The following CLASP1 variants were observed in gnomAD, a reference collection of about 807,000 sequenced individuals.
CLASP1 encodes CLIP-associating protein 1.
A neutral mutation model predicts 192.3 loss-of-function variants in CLASP1; 38 were observed. The observed-to-expected ratio is 0.20, with a 90% CI of 0.15 to 0.26. The LOEUF is 0.26. CLASP1 is among the 10% of genes least tolerant of loss of function. CLASP1 has a pLI of 1.00. For missense variants in CLASP1, 1,433 were observed against 1,932.5 expected (o/e 0.74, Z 4.85); for synonymous variants, 691 against 712.8 (o/e 0.97, Z 0.49).
chr2:121,540,744 G>A (rs1412524285), intron 2 of CLASP1, among the ~76,000 whole-genome samples: 1 of 150,572 alleles, frequency 6.6e-6, no homozygotes, highest in Non-Finnish European at 1.5e-5. Context: ...CCTAGATCGC[G>A]CCACTGCACT....
At chr2:121,501,998 T>C (rs1414632213) in intron 8 of CLASP1, among the ~76,000 whole-genome samples, 2 of 152,202 alleles carry the variant, frequency 1.3e-5, no homozygotes, top group African/African-American at 2.4e-5. Flanking sequence ...TATCCAGAGT[T>C]AGAAAAAGTT....
intron 16 of CLASP1, 113 bp downstream of exon 16, chr2:121,450,800 G>A: frequency 1.4e-6 from 1 of 716,252 alleles, no homozygotes; most frequent in East Asian, 2.7e-5. Context: ...ATGTTTAAAA[G>A]TCATGGTTAA....
intron 20 of CLASP1, among the ~76,000 whole-genome samples, 170 bp downstream of exon 20, chr2:121,429,903 T>C (rs1251004703): frequency 6.6e-6 from 1 of 152,228 alleles, no homozygotes; most frequent in Non-Finnish European, 1.5e-5. Context: ...CCTGAAATGT[T>C]TCATTTTTTA....
chr2:121,528,917 T>G, intron 3 of CLASP1, 137 bp from the exon 4 acceptor site: 1 of 700,818 alleles, frequency 1.4e-6, no homozygotes, highest in Non-Finnish European at 2.5e-6. Context: ...CACTCATCTT[T>G]GCTCACAGCT....
In CLASP1 at chr2:121,382,335, C is replaced by T. The variant is rs764922930; in HGVS notation, c.3375-11G>A. The T allele has an allele frequency of 6.0e-6, 9 of 1,506,354 alleles. No homozygotes were observed. In the Admixed American group the frequency reaches 9.2e-5, roughly 15 times the overall value. The allele number at this position is 1,506,354 out of a possible 1,614,324, so 93.3% of individuals were successfully genotyped here. On this transcript the variant is annotated splice_polypyrimidine_tract_variant and intron_variant, in intron 32 of 39. Coordinates refer to ENST00000263710, the Ensembl canonical transcript of CLASP1. ...CAACCCCATAACCGACTGCAGTGAT[C>T]AGAAGAGGAAAATCAGAGAGAGAAA...
At chr2:121,550,234 G>C (rs544954683) in intron 2 of CLASP1, among the ~76,000 whole-genome samples, 1 of 151,940 alleles carries the variant, frequency 6.6e-6, no homozygotes, top group Non-Finnish European at 1.5e-5. Flanking sequence ...AGAATCTCTG[G>C]GACACAGCTA....
chr2:121,417,814 TC>T (rs2078851441), intron 23 of CLASP1, among the ~76,000 whole-genome samples: 1 of 152,230 alleles, frequency 6.6e-6, no homozygotes, highest in African/African-American at 2.4e-5. Context: ...TGATTTAACA[TC>T]CCTCTTTCGT....
chr2:121,492,743 G>A (rs1458388766), intron 8 of CLASP1, among the ~76,000 whole-genome samples: 2 of 151,346 alleles, frequency 1.3e-5, no homozygotes, highest in South Asian at 2.1e-4. Flanking sequence ...AATATAAAAT[G>A]GTGCAGCCAC....
intron 8 of CLASP1, among the ~76,000 whole-genome samples, chr2:121,484,986 A>G (rs1228149837): frequency 6.6e-6 from 1 of 152,246 alleles, no homozygotes; most frequent in Admixed American, 6.5e-5. Context: ...TGACATTTGT[A>G]AAGACAAATC....
intron 8 of CLASP1, among the ~76,000 whole-genome samples, chr2:121,486,082 G>A (rs768634708): frequency 5.3e-5 from 8 of 152,152 alleles, no homozygotes; most frequent in Non-Finnish European, 8.8e-5. Context: ...GGCAAGAAAC[G>A]GGCAAGGTAG....
exon 2 of CLASP1, chr2:121,605,922 A>G: frequency 6.2e-7 from 1 of 1,608,802 alleles, no homozygotes; most frequent in Non-Finnish European, 8.5e-7. Context: ...AGATCCAGCA[A>G]AAGCTAGAGG....
intron 2 of CLASP1, among the ~76,000 whole-genome samples, chr2:121,556,043 G>A (rs900526940): frequency 4.4e-4 from 55 of 124,790 alleles, no homozygotes; most frequent in African/African-American, 1.7e-3. Flanking sequence ...GAATGCAGTG[G>A]CATGATCTCA....
intron 18 of CLASP1, 38 bp from the exon 19 acceptor site, chr2:121,447,545 A>G (rs976052613): frequency 6.1e-6 from 9 of 1,480,610 alleles, no homozygotes; most frequent in Non-Finnish European, 7.3e-6. Flanking sequence ...TAAGGACTAC[A>G]TAGAATTTTG....
Position 121,367,783 on chromosome 2 carries a change from C to T in CLASP1, c.3691G>A (p.Gly1231Ser), listed in dbSNP as rs756909067. The T allele has an allele frequency of 4.3e-6, 7 of 1,613,818 alleles. No individual in the cohort carries two copies. The East Asian group carries it at 8.9e-5, about 21-fold the overall frequency. The change falls in exon 35 of 40, where the codon GGT becomes AGT. Residue 1231 changes from glycine (G) to serine (S), a missense_variant. Gly to Ser is a moderately conservative substitution (Grantham distance 56). Transcript: ENST00000263710. Reference sequence around the variant, plus strand: ...GTCCGGCCTCCTTCTACTTCACTACCCCCCCGGCCCTCAGTGGCAGGGGAG... The same window carrying T: ...GTCCGGCCTCCTTCTACTTCACTACTCCCCCGGCCCTCAGTGGCAGGGGAG...
chr2:121,575,196 C>CAAT (rs2060390306), intron 2 of CLASP1, among the ~76,000 whole-genome samples: 1 of 152,040 alleles, frequency 6.6e-6, no homozygotes, highest in Non-Finnish European at 1.5e-5. Flanking sequence ...ACTGCAACCT[C>CAAT]CGCCTCCCAG....
At chr2:121,458,811 A>T in intron 13 of CLASP1, 29 bp downstream of exon 13, 1 of 1,503,736 alleles carries the variant, frequency 6.7e-7, no homozygotes, top group South Asian at 1.4e-5. Context: ...CCACTTGCTT[A>T]TTTCAAGCAT....
chr2:121,516,929 G>T (rs570259360), intron 6 of CLASP1, among the ~76,000 whole-genome samples: 7 of 152,334 alleles, frequency 4.6e-5, no homozygotes, highest in Middle Eastern at 3.4e-3. Context: ...TACTCAGGAG[G>T]CTGAGGCAGG....
Position 121,530,335 on chromosome 2 carries a change from G to C in CLASP1, c.196-10C>G. 6.5e-7 allele frequency: 1 copy of C among 1,547,164 alleles called. No individual in the cohort carries two copies. The highest frequency in any genetic ancestry group is 8.7e-7 in the Non-Finnish European group (1 of 1,144,456). ...TGCCCAGCAGAACCACCTGCAGCGGGAAACACCGGGAGCCTGTTAGCAGCC... is the reference window on the plus strand; with the variant it reads ...TGCCCAGCAGAACCACCTGCAGCGGCAAACACCGGGAGCCTGTTAGCAGCC... On this transcript the variant is annotated splice_polypyrimidine_tract_variant and intron_variant, in intron 2 of 39. Coordinates refer to ENST00000263710, the Ensembl canonical transcript of CLASP1.
chr2:121,435,566 G>C (rs1438792859), intron 19 of CLASP1, among the ~76,000 whole-genome samples: 1 of 152,118 alleles, frequency 6.6e-6, no homozygotes, highest in Non-Finnish European at 1.5e-5. Context: ...GAGCCACCAT[G>C]CCCGCCCTAT....
Sources: allele counts gnomAD v4.1 joint callset (sites outside exome capture counted in the v4.1 genomes callset), GRCh38; gene constraint gnomAD v4.1.1; transcripts MANE v1.5; gene names NCBI Gene and HGNC (gene_info 2026-07-23, HGNC 2026-07-21).